Variants in L3MBTL4 observed in about 807,000 individuals in gnomAD.
L3MBTL4 encodes the protein lethal(3)malignant brain tumor-like protein 4.
Under a neutral mutation model 84.5 loss-of-function variants are expected in L3MBTL4, and 70 were observed. The observed-to-expected ratio is 0.83, with a 90% CI of 0.68 to 1.01. The LOEUF (loss-of-function observed/expected upper bound fraction) is 1.01. Among genes scored for constraint, L3MBTL4 ranks in the 50% least tolerant of loss-of-function variants. L3MBTL4 has a pLI of 0.00. For missense variants in L3MBTL4, 715 were observed against 754.8 expected (o/e 0.95, Z 0.62); for synonymous variants, 274 against 259.8 (o/e 1.05, Z -0.52).
At chr18:6,218,453 G>C (rs2046415728) in intron 10 of L3MBTL4, among the ~76,000 whole-genome samples, 1 of 152,176 alleles carries the variant, frequency 6.6e-6, no homozygotes, top group African/African-American at 2.4e-5. Flanking sequence ...TAGAGCGAAA[G>C]GAAACCTGAG....
chr18:6,229,733 C>T (rs1399022268), intron 10 of L3MBTL4, among the ~76,000 whole-genome samples: 1 of 152,176 alleles, frequency 6.6e-6, no homozygotes, highest in African/African-American at 2.4e-5. Context: ...TGAAGACTCT[C>T]TTTTCCCCAC....
intron 10 of L3MBTL4, among the ~76,000 whole-genome samples, chr18:6,220,519 G>GC (rs574283994): frequency 2.6e-5 from 4 of 152,040 alleles, no homozygotes; most frequent in Non-Finnish European, 5.9e-5. Flanking sequence ...ATAATAGGGA[G>GC]CCCCCCTCCC....
At chr18:5,978,952 G>A (rs1378762377) in intron 16 of L3MBTL4, among the ~76,000 whole-genome samples, 1 of 152,150 alleles carries the variant, frequency 6.6e-6, no homozygotes, top group Admixed American at 6.5e-5. Context: ...TAAAATCTGA[G>A]CACGACCTAC....
intron 16 of L3MBTL4, among the ~76,000 whole-genome samples, chr18:6,038,051 T>C (rs960017873): frequency 6.6e-6 from 1 of 151,946 alleles, no homozygotes; most frequent in South Asian, 2.1e-4. Context: ...TTAAGATAAG[T>C]GGATAAAAAA....
rs1180523029 is a variant in L3MBTL4 at position 6,364,383 on chromosome 18, A to T, written c.-91+50418T>A. Reference sequence around the variant, plus strand: ...ATAAATATTGATATATAAGACATGCATAATACTAAAAGCACCTTTGGGTCC... The same window carrying T: ...ATAAATATTGATATATAAGACATGCTTAATACTAAAAGCACCTTTGGGTCC... On this transcript the variant is annotated intron_variant, in intron 1 of 18. Transcript: ENST00000317931. 2.6e-5 allele frequency among the ~76,000 whole-genome samples: 4 copies of T among 152,076 alleles called. No homozygotes were observed. In the East Asian group the frequency reaches 7.7e-4, roughly 29 times the overall value.
intron 15 of L3MBTL4, among the ~76,000 whole-genome samples, chr18:6,085,981 T>C (rs2058246436): frequency 6.6e-6 from 1 of 152,212 alleles, no homozygotes; most frequent in Non-Finnish European, 1.5e-5. Context: ...CATTTTCTTA[T>C]ATTTTTCCAA....
chr18:6,112,424 G>C (rs2059223619), intron 14 of L3MBTL4, among the ~76,000 whole-genome samples: 1 of 152,106 alleles, frequency 6.6e-6, no homozygotes, highest in Non-Finnish European at 1.5e-5. Flanking sequence ...ATGTCTTTAG[G>C]TATTAAAATT....
chr18:6,333,517 G>A (rs1198384351), intron 1 of L3MBTL4, among the ~76,000 whole-genome samples: 2 of 151,458 alleles, frequency 1.3e-5, no homozygotes, highest in Non-Finnish European at 2.9e-5. Context: ...GGAGGTTGCA[G>A]TGAGCCAAGA....
chr18:5,992,283 C>G (rs1372138389), intron 16 of L3MBTL4, among the ~76,000 whole-genome samples: 3 of 152,138 alleles, frequency 2.0e-5, no homozygotes, highest in African/African-American at 7.2e-5. Flanking sequence ...GGCTTGAGGT[C>G]TTTCAGGCAG....
chr18:6,190,974 G>A (rs1027986214), intron 12 of L3MBTL4, among the ~76,000 whole-genome samples: 2 of 152,144 alleles, frequency 1.3e-5, no homozygotes, highest in Non-Finnish European at 2.9e-5. Context: ...ACAGCACATG[G>A]GAAAAGGCGG....
intron 13 of L3MBTL4, among the ~76,000 whole-genome samples, chr18:6,163,072 G>A (rs1029789918): frequency 2.0e-5 from 3 of 152,088 alleles, no homozygotes; most frequent in African/African-American, 4.8e-5. Context: ...GGAAAGAAGA[G>A]AGAAAAGACA....
intron 4 of L3MBTL4, among the ~76,000 whole-genome samples, chr18:6,281,059 T>C (rs1199257139): frequency 6.6e-6 from 1 of 152,166 alleles, no homozygotes; most frequent in Non-Finnish European, 1.5e-5. Flanking sequence ...AGAATGTACA[T>C]CAGGAATAAT....
intron 1 of L3MBTL4, among the ~76,000 whole-genome samples, chr18:6,317,450 GT>G (rs1448391043): frequency 6.6e-6 from 1 of 152,032 alleles, no homozygotes; most frequent in African/African-American, 2.4e-5. Context: ...CACTTAGGGA[GT>G]TTAAAAATGC....
At chr18:6,238,853 C>A (rs2146089914) in intron 9 of L3MBTL4, among the ~76,000 whole-genome samples, 1 of 152,006 alleles carries the variant, frequency 6.6e-6, no homozygotes, top group Middle Eastern at 3.4e-3. Flanking sequence ...TGTGGAGGGA[C>A]ATATGTGGAG....
intron 10 of L3MBTL4, among the ~76,000 whole-genome samples, chr18:6,236,246 C>A (rs1599276006): frequency 6.6e-6 from 1 of 152,010 alleles, no homozygotes; most frequent in East Asian, 1.9e-4. Flanking sequence ...ACATACGAAC[C>A]AATGAAAAAG....
chr18:6,348,226 G>C (rs1441126854), intron 1 of L3MBTL4, among the ~76,000 whole-genome samples: 1 of 151,938 alleles, frequency 6.6e-6, no homozygotes, highest in East Asian at 1.9e-4. Context: ...TGCCCAAACT[G>C]ACCTGCTAAA....
intron 13 of L3MBTL4, among the ~76,000 whole-genome samples, chr18:6,150,037 G>A (rs541479043): frequency 6.6e-6 from 1 of 152,268 alleles, no homozygotes; most frequent in Non-Finnish European, 1.5e-5. Context: ...GGTAGCTTAT[G>A]AATTGGTTTT....
intron 5 of L3MBTL4, among the ~76,000 whole-genome samples, chr18:6,253,482 AGG>A: frequency 6.6e-6 from 1 of 152,316 alleles, no homozygotes; most frequent in East Asian, 1.9e-4. Flanking sequence ...GTACATACTT[AGG>A]GGGTAAAATG....
intron 10 of L3MBTL4, among the ~76,000 whole-genome samples, chr18:6,236,583 A>G (rs1250848649): frequency 1.3e-5 from 2 of 152,216 alleles, no homozygotes; most frequent in Non-Finnish European, 2.9e-5. Context: ...CTCTAGGCAC[A>G]CCAACTCAAA....
Sources: gnomAD v4.1 joint callset for allele counts (sites outside exome capture counted in the v4.1 genomes callset) on GRCh38, gnomAD v4.1.1 for gene constraint, MANE v1.5 for transcripts, NCBI Gene and HGNC (gene_info 2026-07-23, HGNC 2026-07-21) for gene names.